Variants in MAST2 observed in about 807,000 individuals in gnomAD.
MAST2 encodes microtubule associated serine/threonine kinase 2.
MAST2 carries 70 observed loss-of-function variants against 147.4 expected under a neutral mutation model. That is an observed-to-expected ratio of 0.47 (90% CI 0.39 to 0.58). The LOEUF (loss-of-function observed/expected upper bound fraction) is 0.58. Among genes scored for constraint, MAST2 ranks in the 20% least tolerant of loss-of-function variants. The pLI is 0.00. For synonymous variants in MAST2, 869 were observed against 896.8 expected (o/e 0.97, Z 0.55); for missense variants, 2,080 against 2,302.3 (o/e 0.90, Z 1.98).
intron 3 of MAST2, among the ~76,000 whole-genome samples, chr1:45,875,852 A>ATGTAAGGACAAGG (rs1646583442): frequency 6.6e-6 from 1 of 152,138 alleles, no homozygotes; most frequent in Non-Finnish European, 1.5e-5. Flanking sequence ...ATGTACAACT[A>ATGTAAGGACAAGG]TAGAGGTCAG....
chr1:45,978,090 C>T (rs1644248646), intron 5 of MAST2, among the ~76,000 whole-genome samples: 1 of 151,918 alleles, frequency 6.6e-6, no homozygotes, highest in South Asian at 2.1e-4. Flanking sequence ...ACAAAAAAAC[C>T]TGTACATCAA....
At chr1:45,980,167 C>A (rs1644342824) in intron 5 of MAST2, among the ~76,000 whole-genome samples, 1 of 151,024 alleles carries the variant, frequency 6.6e-6, no homozygotes, top group Non-Finnish European at 1.5e-5. Context: ...CGCCTGTAAT[C>A]CCAGCTACTC....
At chr1:46,008,453 G>A (rs767496910) in intron 9 of MAST2, 82 bp downstream of exon 9, 1 of 855,540 alleles carries the variant, frequency 1.2e-6, no homozygotes, top group Non-Finnish European at 2.0e-6. Flanking sequence ...ACTCTGGAGT[G>A]AAGGAATGAA....
At chr1:45,996,737 G>A (rs927500898) in intron 5 of MAST2, among the ~76,000 whole-genome samples, 3 of 152,114 alleles carry the variant, frequency 2.0e-5, no homozygotes, top group Middle Eastern at 3.2e-3. Flanking sequence ...ATAAAAAGAC[G>A]TTAAGTGCTA....
intron 4 of MAST2, among the ~76,000 whole-genome samples, chr1:45,941,915 C>T (rs1265169174): frequency 1.3e-5 from 2 of 152,170 alleles, no homozygotes; most frequent in East Asian, 1.9e-4. Flanking sequence ...GTAATACATT[C>T]GCTACTAGAA....
intron 7 of MAST2, among the ~76,000 whole-genome samples, chr1:46,004,852 G>A (rs1383284641): frequency 6.6e-6 from 1 of 152,132 alleles, no homozygotes; most frequent in South Asian, 2.1e-4. Flanking sequence ...ACTTTGAGAG[G>A]TCAAAGCAGG....
chr1:46,030,711 G>C lies in MAST2; in HGVS notation c.2658G>C (p.Leu886=). ...AGAAGGAGGACCATTCAGATGGCCTGGCAGGGCTCAAAGGCCGAGACCGGA... is the reference window on the plus strand; with the variant it reads ...AGAAGGAGGACCATTCAGATGGCCTCGCAGGGCTCAAAGGCCGAGACCGGA... ...SEEKEDHSDG[L]AGLKGRDRSW... is the part of the protein sequence containing the mutation. The change falls in exon 22 of 29, where the codon CTG becomes CTC. Residue 886 remains leucine (L), a synonymous_variant. Transcript: ENST00000361297. The C allele has an allele frequency of 1.9e-6, 3 of 1,603,260 alleles. No homozygotes were observed. The highest frequency in any genetic ancestry group is 2.7e-5 in the African/African-American group (2 of 74,442).
chr1:46,019,676 A>C lies in MAST2; in HGVS notation c.1269A>C (p.Pro423=), dbSNP rs1646103338. 6.2e-7 allele frequency: 1 copy of C among 1,614,210 alleles called. No individual in the cohort carries two copies. Among genetic ancestry groups the C allele is most frequent in the Non-Finnish European group, 8.5e-7 (1 of 1,180,030 alleles). ...AGCTGATGATTATCATTGCCCGCCC[A>C]GCACGTCTCCTGGAATGCCTGGTGA... is the stretch of plus-strand genomic sequence containing the variant. ...VKKLMIIIAR[P]ARLLECLEFD... is the part of the protein sequence containing the mutation. The change falls in exon 11 of 29, where the codon CCA becomes CCC. Residue 423 remains proline, a synonymous_variant. Transcript: ENST00000361297.
intron 5 of MAST2, among the ~76,000 whole-genome samples, chr1:45,962,425 A>G (rs544733531): frequency 6.1e-4 from 93 of 152,228 alleles, no homozygotes; most frequent in Middle Eastern, 3.4e-3. Flanking sequence ...CATCCTCTCC[A>G]GCACCTGTTG....
intron 5 of MAST2, among the ~76,000 whole-genome samples, chr1:45,993,392 T>C (rs1038512171): frequency 1.3e-5 from 2 of 152,238 alleles, no homozygotes; most frequent in African/African-American, 4.8e-5. Context: ...TTTAAAAATA[T>C]TTTTGCTGAG....
rs559626246 is a variant in MAST2 at position 45,869,244 on chromosome 1, C to G, written c.469-13120C>G. 5.9e-5 allele frequency among the ~76,000 whole-genome samples: 9 copies of G among 152,314 alleles called. No individual in the cohort carries two copies. The South Asian group carries it at 1.9e-3, about 32-fold the overall frequency. Reference sequence around the variant, plus strand: ...TAGTCATTATGGGTAACTCCAGTATCTTTGTAGACAAGGATAATCAGTCCA... The same window carrying G: ...TAGTCATTATGGGTAACTCCAGTATGTTTGTAGACAAGGATAATCAGTCCA... On this transcript the variant is annotated intron_variant, in intron 3 of 28. Transcript: ENST00000361297.
Position 46,035,562 on chromosome 1 carries a change from T to C in MAST2, c.4893T>C (p.Ser1631=), listed in dbSNP as rs759726482. ...ACACCCAGGCACTAACAGCACTTTC[T>C]CCCAGCACTTCGGGACTCACCCCCA... ...HLHTQALTAL[S]PSTSGLTPTS... Residue 1631 remains serine (S), a synonymous_variant, in exon 29 of 29, where the codon TCT becomes TCC. Transcript: ENST00000361297. This position sits in a 1 kb window ranked among gnomAD's most constrained non-coding sequence, Gnocchi z 5.5. 1.9e-6 allele frequency: 3 copies of C among 1,613,494 alleles called. No individual in the cohort carries two copies. The highest frequency in any genetic ancestry group is 2.5e-6 in the Non-Finnish European group (3 of 1,179,982).
chr1:45,827,898 T>A (rs536558587), intron 2 of MAST2, among the ~76,000 whole-genome samples: 1 of 152,250 alleles, frequency 6.6e-6, no homozygotes. Flanking sequence ...TGACCATGCC[T>A]CACTGAAGCC....
At chr1:46,033,607 A>G (rs1386891793) in intron 26 of MAST2, among the ~76,000 whole-genome samples, 195 bp from the exon 27 acceptor site, 1 of 151,964 alleles carries the variant, frequency 6.6e-6, no homozygotes, top group African/African-American at 2.4e-5. Context: ...TCTTACCCCA[A>G]ACCACTCTGG....
intron 4 of MAST2, among the ~76,000 whole-genome samples, chr1:45,899,847 A>AT (rs1405840578): frequency 6.6e-6 from 1 of 151,962 alleles, no homozygotes; most frequent in African/African-American, 2.4e-5. Flanking sequence ...GAGCTTTACA[A>AT]TTAAAAAAAA....
intron 5 of MAST2, among the ~76,000 whole-genome samples, chr1:45,984,474 T>A (rs1216655635): frequency 6.6e-6 from 1 of 151,796 alleles, no homozygotes; most frequent in Non-Finnish European, 1.5e-5. Context: ...AGCTAATAAT[T>A]TTTTAAATTT....
Position 45,913,714 on chromosome 1 carries a change from C to T in MAST2, c.500+31319C>T, listed in dbSNP as rs992816415. 1.7e-5 allele frequency: 17 copies of T among 1,011,344 alleles called. No homozygotes were observed. In the South Asian group the frequency reaches 4.0e-4, roughly 24 times the overall value. The allele number at this position is 1,011,344 out of a possible 1,614,324, so 62.6% of individuals were successfully genotyped here. A position where few individuals can be genotyped will look rare whatever the true frequency, so the allele number is the denominator to read the frequency against. ...TGAAGAAAAGTACTTTAATTTTTGC[C>T]GTAAGTTTGGGAAGCTTTTATAATT... is the stretch of plus-strand genomic sequence containing the variant. On this transcript the variant is annotated intron_variant, in intron 4 of 28. Coordinates refer to ENST00000361297, the MANE Select transcript of MAST2 (RefSeq NM_015112.3).
chr1:45,819,201 CGA>C (rs1276901680), intron 1 of MAST2, among the ~76,000 whole-genome samples: 1 of 150,050 alleles, frequency 6.7e-6, no homozygotes, highest in Non-Finnish European at 1.5e-5. Flanking sequence ...TGCAGTGAGC[CGA>C]GATCATGCCA....
intron 5 of MAST2, among the ~76,000 whole-genome samples, chr1:45,995,485 A>T (rs1312515188): frequency 1.3e-5 from 2 of 152,196 alleles, no homozygotes; most frequent in African/African-American, 4.8e-5. Flanking sequence ...ATTTAACTTG[A>T]TGAGTAGACG....
Sources: allele counts gnomAD v4.1 joint callset (sites outside exome capture counted in the v4.1 genomes callset), GRCh38; gene constraint gnomAD v4.1.1; non-coding constraint Gnocchi (gnomAD v3.1); transcripts MANE v1.5; gene names NCBI Gene and HGNC (gene_info 2026-07-23, HGNC 2026-07-21).